The following GLIS3 variants were observed in gnomAD, a reference collection of about 807,000 sequenced individuals.
The protein encoded by GLIS3 is zinc finger protein GLIS3.
A neutral mutation model predicts 78.6 loss-of-function variants in GLIS3; 53 were observed. The ratio of observed to expected loss-of-function variants is 0.67; its 90% CI spans 0.54 to 0.85. The LOEUF is 0.85. Ranked by LOEUF, GLIS3 falls within the 40% of genes least tolerant of loss-of-function variation. The pLI, the probability that GLIS3 is intolerant of heterozygous loss-of-function variation, is 0.00. For missense variants in GLIS3, 1,703 were observed against 1,231.1 expected (o/e 1.38, Z -5.74); for synonymous variants, 684 against 509.9 (o/e 1.34, Z -4.60).
intron 4 of GLIS3, among the ~76,000 whole-genome samples, chr9:3,996,306 G>C (rs1414399402): frequency 6.6e-6 from 1 of 151,982 alleles, no homozygotes; most frequent in East Asian, 1.9e-4. Context: ...ATAAAACAAA[G>C]AACAGAGACC....
intron 9 of GLIS3, among the ~76,000 whole-genome samples, chr9:3,841,094 G>A (rs558066096): frequency 1.2e-4 from 19 of 152,254 alleles, no homozygotes; most frequent in Non-Finnish European, 2.8e-4. Flanking sequence ...AAGGCAGCAT[G>A]CTTAAAGCAC....
chr9:4,480,366 G>C, the GLIS3 span, among the ~76,000 whole-genome samples: 1 of 151,948 alleles, frequency 6.6e-6, no homozygotes, highest in Admixed American at 6.6e-5. Context: ...CATCACACCT[G>C]TCTAACTTTA....
chr9:3,990,454 TA>T (rs1273795305), intron 4 of GLIS3, among the ~76,000 whole-genome samples: 1 of 152,144 alleles, frequency 6.6e-6, no homozygotes, highest in African/African-American at 2.4e-5. Context: ...AGAAAACCAG[TA>T]GCATTGATCA....
intron 2 of GLIS3, among the ~76,000 whole-genome samples, chr9:4,167,561 C>T (rs1326717618): frequency 6.6e-6 from 1 of 152,180 alleles, no homozygotes; most frequent in Non-Finnish European, 1.5e-5. Flanking sequence ...TGGTACACAA[C>T]AGGTGCCCAA....
chr9:4,188,271 T>C (rs1376481761), intron 2 of GLIS3, among the ~76,000 whole-genome samples: 2 of 151,420 alleles, frequency 1.3e-5, no homozygotes, highest in Admixed American at 6.6e-5. Context: ...GTTTTTGTCT[T>C]TGGTTCGTTT....
chr9:4,354,699 G>A, the GLIS3 span, among the ~76,000 whole-genome samples: 1 of 152,150 alleles, frequency 6.6e-6, no homozygotes, highest in Non-Finnish European at 1.5e-5. Context: ...GGCAGCACTG[G>A]AGTGATGCAT....
intron 4 of GLIS3, among the ~76,000 whole-genome samples, chr9:3,960,474 C>G (rs1316801673): frequency 6.6e-6 from 1 of 152,208 alleles, no homozygotes; most frequent in Non-Finnish European, 1.5e-5. Context: ...TTATTTATTA[C>G]TTGTCTCTTA....
chr9:4,055,471 A>C (rs7863393), intron 4 of GLIS3, among the ~76,000 whole-genome samples: 3 of 151,970 alleles, frequency 2.0e-5, no homozygotes, highest in Non-Finnish European at 2.9e-5. Flanking sequence ...GATCAACAGA[A>C]TAAGTTCTCA....
chr9:4,074,382 T>C (rs970850551), intron 4 of GLIS3, among the ~76,000 whole-genome samples: 1 of 152,202 alleles, frequency 6.6e-6, no homozygotes, highest in Non-Finnish European at 1.5e-5. Flanking sequence ...GTGGCTCATA[T>C]ATCTGTAAAC....
chr9:4,258,422 A>G (rs1312737896), intron 2 of GLIS3, among the ~76,000 whole-genome samples: 1 of 152,218 alleles, frequency 6.6e-6, no homozygotes, highest in African/African-American at 2.4e-5. Context: ...AATACCTTAA[A>G]GTTCAGTTAC....
At chr9:4,472,546 G>T in the GLIS3 span, among the ~76,000 whole-genome samples, 1 of 144,552 alleles carries the variant, frequency 6.9e-6, no homozygotes, top group African/African-American at 2.6e-5. Context: ...TCATAAGTGG[G>T]AACTGAACAA....
chr9:4,010,667 G>T (rs781149045), intron 4 of GLIS3, among the ~76,000 whole-genome samples: 1 of 152,180 alleles, frequency 6.6e-6, no homozygotes, highest in South Asian at 2.1e-4. Context: ...ATCATCTGTG[G>T]CTCTTTCCTT....
At chr9:4,001,930 G>A (rs1019007321) in intron 4 of GLIS3, among the ~76,000 whole-genome samples, 2 of 152,146 alleles carry the variant, frequency 1.3e-5, no homozygotes, top group Non-Finnish European at 2.9e-5. Context: ...TGCCTGGGTG[G>A]TTCTCACTAG....
chr9:3,942,021 C>T (rs932706827), intron 4 of GLIS3, among the ~76,000 whole-genome samples: 1 of 152,066 alleles, frequency 6.6e-6, no homozygotes, highest in Non-Finnish European at 1.5e-5. Context: ...TCATTAGACA[C>T]CATTAAAATA....
rs1222904078 is a variant in GLIS3, at chr9:3,826,475, A to G, written c.*1797T>C. On this transcript the variant is annotated 3_prime_UTR_variant, in exon 11 of 11. Transcript: ENST00000381971. Reference sequence around the variant, plus strand: ...TTGTAAAGCAGAGCAGGTTTTTTAAAGTGGCTAACTCATCTCTTTTGCAGA... The same window carrying G: ...TTGTAAAGCAGAGCAGGTTTTTTAAGGTGGCTAACTCATCTCTTTTGCAGA... The G allele has an allele frequency of 1.3e-5, 2 of 152,212 alleles. No individual in the cohort carries two copies. The highest frequency in any genetic ancestry group is 2.9e-5 in the Non-Finnish European group (2 of 68,022). The allele number at this position is 152,212 out of a possible 1,614,324, so 9.4% of individuals were successfully genotyped here.
At chr9:4,146,336 A>C (rs1259204924) in intron 2 of GLIS3, among the ~76,000 whole-genome samples, 3 of 152,232 alleles carry the variant, frequency 2.0e-5, no homozygotes, top group Non-Finnish European at 4.4e-5. Context: ...ATTTATTCCT[A>C]AACAATGTGT....
intron 4 of GLIS3, among the ~76,000 whole-genome samples, chr9:4,089,727 G>C (rs1426532652): frequency 1.3e-5 from 2 of 152,084 alleles, no homozygotes; most frequent in East Asian, 1.9e-4. Flanking sequence ...GCTGAGGTGG[G>C]AGGATCGCTT....
At chr9:4,420,125 A>G in the GLIS3 span, among the ~76,000 whole-genome samples, 1 of 152,128 alleles carries the variant, frequency 6.6e-6, no homozygotes, top group Non-Finnish European at 1.5e-5. Context: ...TGTGTGGTTC[A>G]AAAAAACAAA....
chr9:4,407,790 T>G, the GLIS3 span, among the ~76,000 whole-genome samples: 1 of 152,150 alleles, frequency 6.6e-6, no homozygotes, highest in Non-Finnish European at 1.5e-5. Flanking sequence ...AAAAAGCTTC[T>G]GCACAACAAA....
Sources: allele counts gnomAD v4.1 joint callset (sites outside exome capture counted in the v4.1 genomes callset), GRCh38; gene constraint gnomAD v4.1.1; transcripts MANE v1.5; gene names NCBI Gene and HGNC (gene_info 2026-07-23, HGNC 2026-07-21).